VDR: variants seen among roughly 807,000 people sequenced by gnomAD.
The protein encoded by VDR is vitamin D3 receptor.
VDR carries 19 observed loss-of-function variants against 39.7 expected under a neutral mutation model. The observed-to-expected ratio is 0.48, with a 90% confidence interval of 0.33 to 0.70. The LOEUF (loss-of-function observed/expected upper bound fraction) is 0.70, where lower values mean the gene tolerates loss of function less well. VDR is among the 30% of genes least tolerant of loss of function. VDR has a pLI of 0.02. For missense variants in VDR, 442 were observed against 570.5 expected (o/e 0.77, Z 2.29); for synonymous variants, 242 against 215.8 (o/e 1.12, Z -1.07).
At chr12:47,863,347 G>C (rs1292531382) in intron 4 of VDR, among the ~76,000 whole-genome samples, 3 of 152,200 alleles carry the variant, frequency 2.0e-5, no homozygotes, top group African/African-American at 7.2e-5. Context: ...TGAGGTAGGA[G>C]AGGGGCCTCT....
intron 1 of VDR, among the ~76,000 whole-genome samples, chr12:47,888,160 C>G (rs1353283565): frequency 3.3e-5 from 5 of 152,118 alleles, no homozygotes; most frequent in Admixed American, 3.3e-4. Context: ...GTGGAAACCC[C>G]TGCTAAACCC....
intron 1 of VDR, chr12:47,898,245 C>T (rs1213178594): frequency 6.6e-6 from 1 of 152,190 alleles, no homozygotes; most frequent in African/African-American, 2.4e-5. Flanking sequence ...CAGGCACACA[C>T]ATGAGCCAGA....
chr12:47,896,639 C>T (rs1946469914), intron 1 of VDR: 1 of 152,172 alleles, frequency 6.6e-6, no homozygotes, highest in African/African-American at 2.4e-5. Flanking sequence ...TGCTAAAAGA[C>T]ACCCAACCTC....
intron 1 of VDR, among the ~76,000 whole-genome samples, chr12:47,904,229 C>G (rs1198774545): frequency 6.6e-6 from 1 of 151,914 alleles, no homozygotes; most frequent in Non-Finnish European, 1.5e-5. Flanking sequence ...GAAGGAGGGG[C>G]AGTTGTACAC....
rs1592092236 is a variant in VDR, at chr12:47,843,722, A to AACC, written c.*1023_*1024insGGT. The AACC allele has an allele frequency of 6.6e-6, 1 of 152,282 alleles. No individual in the cohort carries two copies. The highest frequency in any genetic ancestry group is 1.9e-4 in the East Asian group (1 of 5,320). 9.4% of individuals were successfully genotyped at this position (152,282 alleles called of 1,614,324 possible). ...GCGCTAGCTCTTAGCCCTGTGGGTG[A>AACC]ACAGCGGCCTTGCAACCACATTGAG... On this transcript the variant is annotated 3_prime_UTR_variant, in exon 10 of 10. Coordinates refer to ENST00000549336, the MANE Select transcript of VDR (RefSeq NM_000376.3).
chr12:47,846,096 T>G (rs1945273967), intron 9 of VDR, among the ~76,000 whole-genome samples: 1 of 152,148 alleles, frequency 6.6e-6, no homozygotes, highest in Admixed American at 6.5e-5. Context: ...ATCTAGTTCC[T>G]CAGAATCCCC....
In VDR at chr12:47,844,909, G is replaced by C. The variant is rs200556498; in HGVS notation, c.1121C>G (p.Pro374Arg). The C allele has an allele frequency of 1.5e-5, 24 of 1,614,110 alleles. No individual in the cohort carries two copies. Among genetic ancestry groups the C allele is most frequent in the Middle Eastern group, 1.6e-4 (1 of 6,062 alleles). Residue 374 changes from proline (P) to arginine (R), a missense_variant, in exon 10 of 10, where the codon CCG becomes CGG. Physicochemically the swap from Pro to Arg is moderately radical, Grantham distance 103. Coordinates refer to ENST00000549336, the MANE Select transcript of VDR (RefSeq NM_000376.3). ...QTYIRCRHPP[P>R]GSHLLYAKMI... Reference sequence around the variant, plus strand: ...CTTGGCATAGAGCAGGTGGCTGCCCGGGGGCGGGTGGCGGCAGCGGATGTA... The same window carrying C: ...CTTGGCATAGAGCAGGTGGCTGCCCCGGGGCGGGTGGCGGCAGCGGATGTA...
At chr12:47,888,699 A>G (rs890581722) in intron 1 of VDR, among the ~76,000 whole-genome samples, 1 of 152,162 alleles carries the variant, frequency 6.6e-6, no homozygotes, top group East Asian at 1.9e-4. Context: ...TGGTTTTACA[A>G]CTGAAGAAAC....
chr12:47,872,300 G>A lies in VDR; in HGVS notation c.146+6668C>T, dbSNP rs188453629. Among the ~76,000 whole-genome samples the A allele has an allele frequency of 4.0e-3, 605 of 152,310 alleles. 3 individuals carry two copies. Among genetic ancestry groups the A allele is most frequent in the Middle Eastern group, 0.02 (6 of 294 alleles). ...GTTGTAAGAACTAAATAAAGGAAAA[G>A]GGAACAGGACCTGGACAAAGGAAAC... On this transcript the variant is annotated intron_variant, in intron 3 of 9. Coordinates refer to ENST00000549336, the MANE Select transcript of VDR (RefSeq NM_000376.3).
chr12:47,842,533 C>T lies in VDR; in HGVS notation c.*2213G>A, dbSNP rs1945190549. The T allele has an allele frequency of 6.6e-6, 1 of 152,164 alleles. No individual in the cohort carries two copies. The highest frequency in any genetic ancestry group is 1.5e-5 in the Non-Finnish European group (1 of 68,106). The allele number at this position is 152,164 out of a possible 1,614,324, so 9.4% of individuals were successfully genotyped here. ...TTGGAGAGTAACGGCACGATCTCAG[C>T]TCACTGCAACCTCCACCTCCTGGGT... On this transcript the variant is annotated 3_prime_UTR_variant, in exon 10 of 10. Coordinates refer to ENST00000549336, the MANE Select transcript of VDR (RefSeq NM_000376.3).
intron 2 of VDR, among the ~76,000 whole-genome samples, chr12:47,881,119 T>TATATATATATAC (rs150135188): frequency 3.4e-5 from 5 of 148,994 alleles, no homozygotes; most frequent in Non-Finnish European, 5.9e-5. Flanking sequence ...TATATATATA[T>TATATATATATAC]ACACACACAT....
intron 3 of VDR, among the ~76,000 whole-genome samples, chr12:47,869,788 T>C (rs1040370471): frequency 3.3e-5 from 5 of 152,078 alleles, no homozygotes; most frequent in Non-Finnish European, 5.9e-5. Flanking sequence ...TCTCAGCTAC[T>C]TGGGAGGCTA....
At chr12:47,904,832 A>G (rs983191484) in intron 1 of VDR, 123 bp downstream of exon 1, 3 of 489,890 alleles carry the variant, frequency 6.1e-6, no homozygotes, top group African/African-American at 2.0e-5. Context: ...TCAGTAGCCA[A>G]GTTTACCGCT....
chr12:47,848,203 A>AT (rs899178555), intron 7 of VDR, among the ~76,000 whole-genome samples: 1 of 151,752 alleles, frequency 6.6e-6, no homozygotes, highest in Non-Finnish European at 1.5e-5. Context: ...TAATTTTTAA[A>AT]TTTTTTTTGT....
chr12:47,857,410 G>A, intron 5 of VDR, 94 bp downstream of exon 5: 1 of 1,605,832 alleles, frequency 6.2e-7, no homozygotes, highest in East Asian at 2.2e-5. Context: ...GTTCTGTTCA[G>A]GATGTCCCCT....
chr12:47,849,474 A>C (rs1314038159), intron 7 of VDR, among the ~76,000 whole-genome samples: 1 of 152,232 alleles, frequency 6.6e-6, no homozygotes, highest in Non-Finnish European at 1.5e-5. Flanking sequence ...TCCACGTGAT[A>C]GTACACTCAT....
intron 7 of VDR, among the ~76,000 whole-genome samples, chr12:47,847,392 G>T (rs1945300901): frequency 6.6e-6 from 1 of 152,030 alleles, no homozygotes; most frequent in African/African-American, 2.4e-5. Context: ...CACTGCTGCA[G>T]GTCAATGTCC....
chr12:47,848,302 G>A (rs74483686), intron 7 of VDR, among the ~76,000 whole-genome samples: 7 of 151,944 alleles, frequency 4.6e-5, no homozygotes, highest in East Asian at 2.0e-4. Context: ...AAGAACCAGG[G>A]TTACAGGTGT....
intron 6 of VDR, among the ~76,000 whole-genome samples, chr12:47,856,879 C>T (rs527387537): frequency 6.6e-6 from 1 of 152,376 alleles, no homozygotes; most frequent in South Asian, 2.1e-4. Context: ...GAGGAAACAG[C>T]ATGGGCCCGG....
Sources: gnomAD v4.1 joint callset for allele counts (sites outside exome capture counted in the v4.1 genomes callset) on GRCh38, gnomAD v4.1.1 for gene constraint, MANE v1.5 for transcripts, NCBI Gene and HGNC (gene_info 2026-07-23, HGNC 2026-07-21) for gene names.